The following SYT1 variants were observed in gnomAD, a reference collection of about 807,000 sequenced individuals.
SYT1 encodes synaptotagmin 1, also known as synaptotagmin-1.
Under a neutral mutation model 44.8 loss-of-function variants are expected in SYT1, and 8 were observed. The observed-to-expected ratio is 0.18, with a 90% CI of 0.10 to 0.32. The LOEUF is 0.32. Ranked by LOEUF, SYT1 falls within the 10% of genes least tolerant of loss-of-function variation. The pLI, the probability that SYT1 is intolerant of heterozygous loss-of-function variation, is 1.00. For missense variants in SYT1, 286 were observed against 509.3 expected, an observed-to-expected ratio of 0.56 and a Z score of 4.22; for synonymous variants, 154 against 188.8, an observed-to-expected ratio of 0.82 and a Z score of 1.51.
chr12:79,102,536 T>C (rs182198565), intron 3 of SYT1, among the ~76,000 whole-genome samples: 4 of 152,294 alleles, frequency 2.6e-5, no homozygotes, highest in African/African-American at 9.6e-5. Context: ...TAAAATGCTG[T>C]ATGGTTCACT....
intron 4 of SYT1, among the ~76,000 whole-genome samples, chr12:79,274,565 G>T (rs1385037337): frequency 6.6e-6 from 1 of 152,170 alleles, no homozygotes; most frequent in Non-Finnish European, 1.5e-5. Context: ...GGCAGCCGCA[G>T]CGCAAACTTG....
chr12:78,902,397 A>T (rs939836034), intron 1 of SYT1, among the ~76,000 whole-genome samples: 2 of 152,094 alleles, frequency 1.3e-5, no homozygotes, highest in Non-Finnish European at 2.9e-5. Flanking sequence ...TATCTTAGGG[A>T]CATCTCTGTA....
chr12:79,242,791 T>C (rs1876590217), intron 4 of SYT1, among the ~76,000 whole-genome samples: 1 of 152,222 alleles, frequency 6.6e-6, no homozygotes, highest in African/African-American at 2.4e-5. Context: ...ATATTTAATA[T>C]GTAACTTGTA....
chr12:79,125,632 A>C (rs957252352), intron 3 of SYT1, among the ~76,000 whole-genome samples: 1 of 151,508 alleles, frequency 6.6e-6, no homozygotes, highest in Non-Finnish European at 1.5e-5. Flanking sequence ...AAAAAAAGAA[A>C]AAAAGAAAAA....
At chr12:78,963,580 A>T (rs1482684159) in intron 1 of SYT1, among the ~76,000 whole-genome samples, 1 of 152,176 alleles carries the variant, frequency 6.6e-6, no homozygotes, top group African/African-American at 2.4e-5. Context: ...CAGCCTCACA[A>T]ATCATTAGGA....
intron 9 of SYT1, among the ~76,000 whole-genome samples, chr12:79,417,500 G>A (rs555742988): frequency 9.9e-5 from 15 of 152,056 alleles, no homozygotes; most frequent in South Asian, 4.2e-4. Context: ...CTGCCTTGAC[G>A]TTACTACCAA....
At chr12:78,911,461 C>T (rs745616917) in intron 1 of SYT1, among the ~76,000 whole-genome samples, 18 of 151,404 alleles carry the variant, frequency 1.2e-4, no homozygotes, top group Non-Finnish European at 2.4e-4. Context: ...TGTCTATGTA[C>T]ACGAGAATAA....
intron 1 of SYT1, among the ~76,000 whole-genome samples, chr12:78,928,693 C>A (rs948975709): frequency 6.6e-6 from 1 of 152,070 alleles, no homozygotes; most frequent in African/African-American, 2.4e-5. Context: ...ATAGCGTGGA[C>A]AGCTTGGATA....
chr12:79,298,199 AG>A (rs1468493628), intron 7 of SYT1, among the ~76,000 whole-genome samples: 1 of 152,212 alleles, frequency 6.6e-6, no homozygotes, highest in African/African-American at 2.4e-5. Flanking sequence ...AACATTTTCA[AG>A]GGTTTATCCT....
At chr12:78,941,994 C>A (rs1420245288) in intron 1 of SYT1, among the ~76,000 whole-genome samples, 1 of 152,236 alleles carries the variant, frequency 6.6e-6, no homozygotes, top group East Asian at 1.9e-4. Context: ...ATTGAGGACA[C>A]TGGCATCTGG....
At chr12:78,911,496 C>T (rs1179939858) in intron 1 of SYT1, among the ~76,000 whole-genome samples, 1 of 146,178 alleles carries the variant, frequency 6.8e-6, no homozygotes, top group African/African-American at 2.6e-5. Flanking sequence ...AGAGGAAAGA[C>T]TAAAATAAGG....
At chr12:78,944,144 G>A (rs1044732517) in intron 1 of SYT1, among the ~76,000 whole-genome samples, 9 of 151,550 alleles carry the variant, frequency 5.9e-5, no homozygotes, top group African/African-American at 2.2e-4. Flanking sequence ...AGGAATATAC[G>A]CTAAAAGATG....
intron 3 of SYT1, among the ~76,000 whole-genome samples, chr12:79,070,515 T>C (rs1257086586): frequency 6.6e-6 from 1 of 152,170 alleles, no homozygotes; most frequent in Non-Finnish European, 1.5e-5. Context: ...ATCCATGTTG[T>C]GGCTATACTT....
chr12:78,867,655 G>A (rs1873613952), intron 1 of SYT1, among the ~76,000 whole-genome samples: 1 of 151,826 alleles, frequency 6.6e-6, no homozygotes, highest in Non-Finnish European at 1.5e-5. Context: ...TAATATATAG[G>A]GAAAATCCTA....
chr12:79,316,621 C>T (rs983626926), intron 8 of SYT1, among the ~76,000 whole-genome samples: 1 of 152,166 alleles, frequency 6.6e-6, no homozygotes, highest in African/African-American at 2.4e-5. Context: ...TCTTTTCATT[C>T]TCACTAGCCT....
At chr12:79,043,252 T>G (rs2137739050) in intron 2 of SYT1, among the ~76,000 whole-genome samples, 1 of 149,558 alleles carries the variant, frequency 6.7e-6, no homozygotes, top group Non-Finnish European at 1.5e-5. Context: ...TATTAATGTG[T>G]GGGAGTCTAA....
At chr12:79,109,620 A>G (rs1592756318) in intron 3 of SYT1, among the ~76,000 whole-genome samples, 1 of 152,232 alleles carries the variant, frequency 6.6e-6, no homozygotes, top group African/African-American at 2.4e-5. Context: ...AGCAAATTCT[A>G]TAAATTCAAA....
intron 1 of SYT1, among the ~76,000 whole-genome samples, chr12:78,907,807 C>A (rs1440039566): frequency 5.9e-5 from 9 of 151,970 alleles, no homozygotes; most frequent in African/African-American, 2.2e-4. Context: ...AAAAAAGCAT[C>A]ATCAAAACCA....
At chr12:79,404,287 C>G (rs1442633159) in intron 9 of SYT1, among the ~76,000 whole-genome samples, 1 of 152,160 alleles carries the variant, frequency 6.6e-6, no homozygotes, top group African/African-American at 2.4e-5. Context: ...AAAATTCATT[C>G]TACCCTCTTC....
Sources: allele counts gnomAD v4.1 joint callset (sites outside exome capture counted in the v4.1 genomes callset), GRCh38; gene constraint gnomAD v4.1.1; transcripts MANE v1.5; gene names NCBI Gene and HGNC (gene_info 2026-07-23, HGNC 2026-07-21).